Variants in EPB41 observed in about 807,000 individuals in gnomAD.
EPB41 encodes erythrocyte membrane protein band 4.1.
Under a neutral mutation model 108.0 loss-of-function variants are expected in EPB41, and 65 were observed. The ratio of observed to expected loss-of-function variants is 0.60; its 90% CI spans 0.49 to 0.74. The LOEUF (loss-of-function observed/expected upper bound fraction) is 0.74, where lower values mean the gene tolerates loss of function less well. Among genes scored for constraint, EPB41 ranks in the 30% least tolerant of loss-of-function variants. EPB41 has a pLI of 0.00. For synonymous variants in EPB41, 336 were observed against 358.9 expected (o/e 0.94, Z 0.72); for missense variants, 875 against 1,037.0 (o/e 0.84, Z 2.15).
chr1:28,963,663 A>C (rs1157299156), intron 1 of EPB41, among the ~76,000 whole-genome samples: 3 of 152,136 alleles, frequency 2.0e-5, no homozygotes, highest in South Asian at 2.1e-4. Context: ...AGATTCTCAG[A>C]TCGTTCATGG....
chr1:28,975,517 T>A (rs950299394), intron 1 of EPB41, among the ~76,000 whole-genome samples: 1 of 152,180 alleles, frequency 6.6e-6, no homozygotes, highest in Non-Finnish European at 1.5e-5. Flanking sequence ...CTCTAGCCTC[T>A]TCTGCCTCCA....
chr1:29,109,415 C>G lies in EPB41; in HGVS notation c.2393C>G (p.Thr798Ser), dbSNP rs1558333574. 6.2e-7 allele frequency: 1 copy of G among 1,614,084 alleles called. No homozygotes were observed. The highest frequency in any genetic ancestry group is 1.3e-5 in the African/African-American group (1 of 75,022). ...ATCACATCTGAGACCCCAAGCAGCA[C>G]CACCACAACTCAAATTACCAAGGTA... ...QTITSETPSS[T>S]TTTQITKTVK... is the part of the protein sequence containing the mutation. Residue 798 changes from threonine to serine, a missense_variant, in exon 18 of 21, where the codon ACC becomes AGC. By Grantham distance (58) the Thr-to-Ser change is moderately conservative. Coordinates refer to ENST00000343067, the MANE Select transcript of EPB41 (RefSeq NM_001376013.1).
In EPB41 at chr1:28,949,261, T is replaced by C. The variant is rs115892109; in HGVS notation, c.-8+34493T>C. ...GAGTTTGGGACCAGCTTGGGCAATA[T>C]AGTGAGATCACATCTCCACAAAAAA... On this transcript the variant is annotated intron_variant, in intron 1 of 20. Coordinates refer to ENST00000343067, the MANE Select transcript of EPB41 (RefSeq NM_001376013.1). Among the ~76,000 whole-genome samples, 544 of 152,222 alleles carry C rather than the reference T, an allele frequency of 3.6e-3. 1 individual carries two copies. The highest frequency in any genetic ancestry group is 9.1e-3 in the African/African-American group (380 of 41,542).
At chr1:29,056,879 A>C (rs996002677) in intron 12 of EPB41, among the ~76,000 whole-genome samples, 4 of 152,180 alleles carry the variant, frequency 2.6e-5, no homozygotes, top group Admixed American at 6.5e-5. Flanking sequence ...TATTGGATTG[A>C]TAAAGATCCA....
At chr1:28,904,770 A>T (rs2147942799) in intron 1 of EPB41, among the ~76,000 whole-genome samples, 1 of 152,234 alleles carries the variant, frequency 6.6e-6, no homozygotes, top group Admixed American at 6.5e-5. Flanking sequence ...GTGGTGGCTC[A>T]TGCCTGTGAT....
chr1:29,115,992 C>A lies in EPB41; in HGVS notation c.*6+189C>A, dbSNP rs1054555346. On this transcript the variant is annotated intron_variant, in intron 20 of 20. Transcript: ENST00000343067. This position sits in a 1 kb window ranked among gnomAD's most constrained non-coding sequence, Gnocchi z 4.4. ...AAGTATTTGGCTCCAACTAAAGCAG[C>A]CTGTAGCAGTGCCAGCATTATTGGG... Among the ~76,000 whole-genome samples the A allele has an allele frequency of 6.6e-6, 1 of 152,108 alleles. No homozygotes were observed. The highest frequency in any genetic ancestry group is 2.4e-5 in the African/African-American group (1 of 41,402).
chr1:28,979,738 A>G (rs2095691397), intron 1 of EPB41, among the ~76,000 whole-genome samples: 1 of 151,480 alleles, frequency 6.6e-6, no homozygotes, highest in Admixed American at 6.6e-5. Flanking sequence ...AATCACTTGT[A>G]TACAATTCAT....
intron 3 of EPB41, among the ~76,000 whole-genome samples, chr1:28,995,739 G>A (rs2096156174): frequency 6.6e-6 from 1 of 152,158 alleles, no homozygotes; most frequent in Non-Finnish European, 1.5e-5. Context: ...GATAAATTAA[G>A]ATTATAAATA....
intron 1 of EPB41, among the ~76,000 whole-genome samples, chr1:28,957,338 T>A (rs188263154): frequency 6.6e-6 from 1 of 152,266 alleles, no homozygotes; most frequent in Admixed American, 6.5e-5. Context: ...CTCCACTATA[T>A]GTAGAGACTG....
At chr1:28,977,941 T>TTGAAACTG (rs1334966634) in intron 1 of EPB41, among the ~76,000 whole-genome samples, 1 of 151,708 alleles carries the variant, frequency 6.6e-6, no homozygotes. Context: ...CTTTATCAGT[T>TTGAAACTG]TCATTTTATA....
intron 1 of EPB41, among the ~76,000 whole-genome samples, chr1:28,915,833 C>G (rs1248809039): frequency 7.7e-6 from 1 of 129,978 alleles, no homozygotes; most frequent in Non-Finnish European, 1.5e-5. Flanking sequence ...TGTCTTGTGT[C>G]TTGGATATTA....
intron 16 of EPB41, among the ~76,000 whole-genome samples, chr1:29,079,942 G>C (rs757386173): frequency 8.0e-4 from 122 of 152,074 alleles, no homozygotes; most frequent in Non-Finnish European, 1.3e-3. Context: ...GTTGCAGTGA[G>C]CTGAGATTGT....
chr1:28,976,313 C>G (rs2095607124), intron 1 of EPB41, among the ~76,000 whole-genome samples: 1 of 152,034 alleles, frequency 6.6e-6, no homozygotes, highest in Non-Finnish European at 1.5e-5. Context: ...TTTAGGTATT[C>G]AATACATGCT....
At chr1:28,929,313 C>A (rs946116529) in intron 1 of EPB41, among the ~76,000 whole-genome samples, 3 of 151,644 alleles carry the variant, frequency 2.0e-5, no homozygotes, top group African/African-American at 7.3e-5. Context: ...GCAAGCTCTG[C>A]CTCCCGGGTT....
At chr1:28,912,432 G>T (rs1395184906), upstream of EPB41, among the ~76,000 whole-genome samples, 1 of 151,996 alleles carries the variant, frequency 6.6e-6, no homozygotes, top group Non-Finnish European at 1.5e-5. Flanking sequence ...TTTACATAAC[G>T]TGCTCAGCTC....
At chr1:28,946,322 T>C (rs1323510179) in intron 1 of EPB41, among the ~76,000 whole-genome samples, 2 of 152,100 alleles carry the variant, frequency 1.3e-5, no homozygotes, top group Non-Finnish European at 2.9e-5. Flanking sequence ...TTGGCCAGGA[T>C]GGTCTTGATC....
At chr1:29,078,484 C>T (rs1033351021) in intron 16 of EPB41, among the ~76,000 whole-genome samples, 34 of 151,752 alleles carry the variant, frequency 2.2e-4, no homozygotes, top group African/African-American at 7.5e-4. Flanking sequence ...TACTGCTGGG[C>T]GTGATGGTTC....
At chr1:29,054,443 T>G (rs1227449539) in intron 12 of EPB41, 1 of 151,944 alleles carries the variant, frequency 6.6e-6, no homozygotes, top group Non-Finnish European at 1.5e-5. Flanking sequence ...TGTTCTCGCT[T>G]TGGCAGATGG....
intron 1 of EPB41, among the ~76,000 whole-genome samples, chr1:28,962,464 A>G (rs1392163781): frequency 6.6e-6 from 1 of 152,214 alleles, no homozygotes; most frequent in African/African-American, 2.4e-5. Context: ...AAAATGTGTA[A>G]CTTGGGGTTT....
Sources: allele counts gnomAD v4.1 joint callset (sites outside exome capture counted in the v4.1 genomes callset), GRCh38; gene constraint gnomAD v4.1.1; non-coding constraint Gnocchi (gnomAD v3.1); transcripts MANE v1.5; gene names NCBI Gene and HGNC (gene_info 2026-07-23, HGNC 2026-07-21).